CD99: variants seen among roughly 807,000 people sequenced by gnomAD.
CD99 encodes CD99 antigen.
In CD99, 19 loss-of-function variants were observed where a neutral mutation model predicts 28.4. The observed-to-expected ratio is 0.67, with a 90% CI of 0.47 to 0.98. CD99 has a LOEUF of 0.98. CD99 is among the 50% of genes least tolerant of loss of function. The probability of loss-of-function intolerance (pLI) is 0.00; values close to 1 mark genes in which losing one functional copy is unlikely to be tolerated. For synonymous variants in CD99, 103 were observed against 92.1 expected, an observed-to-expected ratio of 1.12 and a Z score of -0.67; for missense variants, 283 against 248.8, an observed-to-expected ratio of 1.14 and a Z score of -0.92.
chrX:2,717,942 T>A, intron 3 of CD99: 2 of 232,626 alleles, frequency 8.6e-6, no homozygotes, highest in African/African-American at 2.3e-5. Flanking sequence ...CTTCCCTTTT[T>A]TTTTTTTTTT....
chrX:2,735,915 G>A (rs2046816625), intron 8 of CD99, among the ~76,000 whole-genome samples: 1 of 151,982 alleles, frequency 6.6e-6, no homozygotes, highest in Non-Finnish European at 1.5e-5. Context: ...TAAAAGTTAC[G>A]CTGCTGGCTT....
chrX:2,692,296 G>T, intron 1 of CD99: 1 of 251,128 alleles, frequency 4.0e-6, no homozygotes, highest in South Asian at 4.4e-5. Flanking sequence ...CTTCGTATGG[G>T]CAGGCTTTTA....
intron 1 of CD99, among the ~76,000 whole-genome samples, 199 bp from the exon 2 acceptor site, chrX:2,714,212 TTATTTAAAACC>T (rs2048577196): frequency 6.6e-6 from 1 of 152,192 alleles, no homozygotes. Context: ...AGGTCATCAT[TTATTTAAAACC>T]TAGGCTAACA....
chrX:2,709,301 C>G (rs763920184), intron 1 of CD99, among the ~76,000 whole-genome samples: 10 of 124,714 alleles, frequency 8.0e-5, no homozygotes, highest in African/African-American at 2.3e-4. Context: ...TGAAAACACA[C>G]AAGCACATGC....
intron 1 of CD99, among the ~76,000 whole-genome samples, chrX:2,702,645 CAT>C (rs1156542827): frequency 6.6e-5 from 10 of 152,094 alleles, no homozygotes; most frequent in Non-Finnish European, 8.8e-5. Context: ...CTTAGGTAAA[CAT>C]GTGTCATGAG....
intron 8 of CD99, among the ~76,000 whole-genome samples, chrX:2,730,015 G>A (rs181806570): frequency 1.6e-4 from 24 of 152,200 alleles, no homozygotes; most frequent in African/African-American, 5.5e-4. Flanking sequence ...TTAGCTGGGC[G>A]TGCTTGCGCC....
intron 8 of CD99, among the ~76,000 whole-genome samples, chrX:2,731,944 G>A (rs2049630218): frequency 6.7e-6 from 1 of 149,628 alleles, no homozygotes; most frequent in Non-Finnish European, 1.5e-5. Context: ...TAGCAACATA[G>A]CAAGACCTCG....
At chrX:2,698,749 C>T (rs1312185229) in intron 1 of CD99, among the ~76,000 whole-genome samples, 4 of 152,194 alleles carry the variant, frequency 2.6e-5, no homozygotes, top group Admixed American at 2.6e-4. Context: ...CCCATCCCTC[C>T]TGCATTCCTG....
At chrX:2,710,197 G>A (rs1478986811) in intron 1 of CD99, among the ~76,000 whole-genome samples, 13 of 152,142 alleles carry the variant, frequency 8.5e-5, no homozygotes, top group East Asian at 3.9e-4. Context: ...ACTGTGTTCC[G>A]GCCGTGGGGT....
intron 1 of CD99, among the ~76,000 whole-genome samples, chrX:2,701,057 A>G (rs758897504): frequency 2.0e-5 from 3 of 151,034 alleles, no homozygotes; most frequent in Admixed American, 6.6e-5. Flanking sequence ...AAACTCATCT[A>G]TCCACTCAAC....
chrX:2,736,349 G>A (rs1227436494), intron 8 of CD99, among the ~76,000 whole-genome samples: 2 of 151,958 alleles, frequency 1.3e-5, no homozygotes, highest in African/African-American at 2.4e-5. Flanking sequence ...CCACAGATTC[G>A]ATGAGCTTCT....
chrX:2,719,395 CTCT>C (rs2048889591), intron 3 of CD99: 4 of 422,544 alleles, frequency 9.5e-6, no homozygotes, highest in Non-Finnish European at 1.3e-5. Flanking sequence ...TTCTCTCTCT[CTCT>C]CCCCACTGCC....
intron 1 of CD99, among the ~76,000 whole-genome samples, chrX:2,704,108 G>C (rs1160981854): frequency 6.6e-6 from 1 of 152,160 alleles, no homozygotes; most frequent in Non-Finnish European, 1.5e-5. Flanking sequence ...CGTCTCCCCA[G>C]GTCCCTCGCA....
At chrX:2,718,786 A>G (rs1484213829) in intron 3 of CD99, among the ~76,000 whole-genome samples, 1 of 152,208 alleles carries the variant, frequency 6.6e-6, no homozygotes. Flanking sequence ...TTATGGCATC[A>G]GTGTCTTACA....
chrX:2,717,698 T>C, intron 3 of CD99, 46 bp downstream of exon 3: 1 of 1,563,670 alleles, frequency 6.4e-7, no homozygotes, highest in Non-Finnish European at 8.8e-7. Context: ...GAGCAAATCA[T>C]TTTCTCGGAC....
At chrX:2,701,856 A>G (rs1019250660) in intron 1 of CD99, among the ~76,000 whole-genome samples, 4 of 152,230 alleles carry the variant, frequency 2.6e-5, no homozygotes, top group Non-Finnish European at 4.4e-5. Flanking sequence ...CAGTGGAGAT[A>G]GAAGAGAAGG....
chrX:2,701,244 T>TACCCACCCACCCATCC (rs2047848511), intron 1 of CD99, among the ~76,000 whole-genome samples: 1 of 147,806 alleles, frequency 6.8e-6, no homozygotes, highest in African/African-American at 2.5e-5. Flanking sequence ...CCCACCCATT[T>TACCCACCCACCCATCC]ACCCACCCAC....
Position 2,722,679 on chromosome X carries a change from A to T in CD99, c.310+5A>T. 4 of 1,613,842 alleles carry T rather than the reference A, an allele frequency of 2.5e-6. No individual in the cohort carries two copies. Among genetic ancestry groups the T allele is most frequent in the Non-Finnish European group, 3.4e-6 (4 of 1,179,782 alleles). Reference sequence around the variant, plus strand: ...ATGGCGTTTCAGGTGGAGAAGGTACAGTTATCTTGTTTTCTGTCTCTTTTC... The same window carrying T: ...ATGGCGTTTCAGGTGGAGAAGGTACTGTTATCTTGTTTTCTGTCTCTTTTC... On this transcript the variant is annotated splice_donor_5th_base_variant and intron_variant, in intron 6 of 9. Coordinates refer to ENST00000381192, the MANE Select transcript of CD99 (RefSeq NM_002414.5).
At chrX:2,727,507 C>T (rs1216775540) in intron 8 of CD99, among the ~76,000 whole-genome samples, 3 of 152,078 alleles carry the variant, frequency 2.0e-5, no homozygotes, top group Non-Finnish European at 4.4e-5. Flanking sequence ...GACAGAGTTT[C>T]GCTCTGTTGC....
Sources: allele counts gnomAD v4.1 joint callset (sites outside exome capture counted in the v4.1 genomes callset), GRCh38; gene constraint gnomAD v4.1.1; transcripts MANE v1.5; gene names NCBI Gene and HGNC (gene_info 2026-07-23, HGNC 2026-07-21).